Variants in CASZ1 observed in about 807,000 individuals in gnomAD.
CASZ1 encodes the protein zinc finger protein castor homolog 1.
A neutral mutation model predicts 135.2 loss-of-function variants in CASZ1; 28 were observed. The ratio of observed to expected loss-of-function variants is 0.21; its 90% CI spans 0.15 to 0.28. The LOEUF (loss-of-function observed/expected upper bound fraction) is 0.28, where lower values mean the gene tolerates loss of function less well. Among genes scored for constraint, CASZ1 ranks in the 10% least tolerant of loss-of-function variants. CASZ1 has a pLI of 1.00. For missense variants in CASZ1, 2,161 were observed against 2,453.3 expected (o/e 0.88, Z 2.52); for synonymous variants, 1,068 against 1,073.4 (o/e 0.99, Z 0.10).
chr1:10,680,243 G>T (rs7545227), intron 4 of CASZ1, among the ~76,000 whole-genome samples: 1 of 149,854 alleles, frequency 6.7e-6, no homozygotes, highest in Non-Finnish European at 1.5e-5. Context: ...CGATGCTGCC[G>T]GAGGGCTCCG....
intron 2 of CASZ1, among the ~76,000 whole-genome samples, chr1:10,732,962 A>C (rs1639729445): frequency 6.6e-6 from 1 of 152,110 alleles, no homozygotes; most frequent in Non-Finnish European, 1.5e-5. Context: ...GGGGGTAACC[A>C]GGCTGGAAAT....
intron 1 of CASZ1, among the ~76,000 whole-genome samples, chr1:10,773,624 G>T (rs1159968062): frequency 6.6e-6 from 1 of 152,096 alleles, no homozygotes; most frequent in Non-Finnish European, 1.5e-5. Context: ...TAGCTTCTCA[G>T]CATACTTGGC....
intron 3 of CASZ1, among the ~76,000 whole-genome samples, chr1:10,702,224 C>T (rs572658959): frequency 6.6e-6 from 1 of 152,174 alleles, no homozygotes; most frequent in Non-Finnish European, 1.5e-5. Flanking sequence ...CTTCATCACC[C>T]TCTTGCCTTG....
In CASZ1 at chr1:10,647,452, G is replaced by A. The variant is rs1642396454; in HGVS notation, c.3497+349C>T. 2 of 1,194,796 alleles carry A rather than the reference G, an allele frequency of 1.7e-6. No individual in the cohort carries two copies. The highest frequency in any genetic ancestry group is 2.1e-6 in the Non-Finnish European group (2 of 953,254). 74.0% of individuals were successfully genotyped at this position (1,194,796 alleles called of 1,614,324 possible). A position where few individuals can be genotyped will look rare whatever the true frequency, so the allele number is the denominator to read the frequency against. On this transcript the variant is annotated intron_variant, in intron 16 of 20. Coordinates refer to ENST00000377022, the MANE Select transcript of CASZ1 (RefSeq NM_001079843.3). This position sits in a 1 kb window ranked among gnomAD's most constrained non-coding sequence, Gnocchi z 4.9. ...GAGCCACAGAGGAGGCCAATACGGA[G>A]GCTCGGAGGGAGACGCAGCCCTCCT... is the stretch of plus-strand genomic sequence containing the variant.
chr1:10,747,817 C>CT lies in CASZ1; in HGVS notation c.-77+12883dup, dbSNP rs34001765. 8.6e-3 allele frequency among the ~76,000 whole-genome samples: 1,151 copies of CT among 134,178 alleles called. 12 individuals are homozygous for CT. The highest frequency in any genetic ancestry group is 0.022 in the African/African-American group (775 of 34,900). The allele number at this position is 134,178 out of a possible 152,430, so 88.0% of individuals were successfully genotyped here. A position where few individuals can be genotyped will look rare whatever the true frequency, so the allele number is the denominator to read the frequency against. On this transcript the variant is annotated intron_variant, in intron 2 of 20. Coordinates refer to ENST00000377022, the MANE Select transcript of CASZ1 (RefSeq NM_001079843.3). The surrounding 1 kb of genome is among the most constrained non-coding windows in gnomAD (Gnocchi z 4.3). The stretch of plus-strand genomic sequence containing the variant: ...CAGTACACTGTGCTCACCTGCCTGA[C>CT]TTTTTTTTTTTTTTTTTGAGATGGA...
At chr1:10,785,964 G>A (rs1219000536) in intron 1 of CASZ1, among the ~76,000 whole-genome samples, 1 of 152,194 alleles carries the variant, frequency 6.6e-6, no homozygotes, top group Non-Finnish European at 1.5e-5. Flanking sequence ...CAAAGGCTTC[G>A]AGGAATGAAT....
chr1:10,653,557 G>C lies in CASZ1; in HGVS notation c.2500C>G (p.Pro834Ala). Reference sequence around the variant, plus strand: ...GAGGCGACCAGCGTGGGTGTGTCAGGGGTGGCTGAGGCTGCTGACCCAGAC... The same window carrying C: ...GAGGCGACCAGCGTGGGTGTGTCAGCGGTGGCTGAGGCTGCTGACCCAGAC... ...VSSGSAASAT[P>A]DTPTLVASGA... The change falls in exon 11 of 21, where the codon CCT (proline) becomes GCT (alanine). Residue 834 changes from proline (P) to alanine (A), a missense_variant. By Grantham distance (27) the Pro-to-Ala change is conservative (BLOSUM62 -1). Around this residue, in one of 7 missense-constraint regions of CASZ1, gnomAD observed 406 missense variants for 387.6 expected, o/e 1.05. Coordinates refer to ENST00000377022, the MANE Select transcript of CASZ1 (RefSeq NM_001079843.3). 1 of 1,582,668 alleles carries C rather than the reference G, an allele frequency of 6.3e-7. No individual in the cohort carries two copies. The highest frequency in any genetic ancestry group is 8.6e-7 in the Non-Finnish European group (1 of 1,162,254).
intron 4 of CASZ1, among the ~76,000 whole-genome samples, chr1:10,687,599 T>G (rs916039974): frequency 6.6e-6 from 1 of 152,142 alleles, no homozygotes; most frequent in Non-Finnish European, 1.5e-5. Context: ...GCTGGAGGGA[T>G]CCCGGAAGCG....
At position 10,712,103 on chromosome 1, in the gene CASZ1, C is replaced by T. The variant is rs911737999; in HGVS notation, c.-76-6559G>A. On this transcript the variant is annotated intron_variant, in intron 2 of 20. Coordinates refer to ENST00000377022, the MANE Select transcript of CASZ1 (RefSeq NM_001079843.3). ...GTTCATGCCTGTAATCCCAGCACTT[C>T]GGGAGACCAAGGCAGGCAGATCACT... 4.6e-5 allele frequency among the ~76,000 whole-genome samples: 7 copies of T among 152,256 alleles called. No individual in the cohort carries two copies. The South Asian group carries it at 1.2e-3, about 27-fold the overall frequency.
At chr1:10,705,764 A>G (rs570816549) in intron 2 of CASZ1, among the ~76,000 whole-genome samples, 1 of 152,366 alleles carries the variant, frequency 6.6e-6, no homozygotes, top group South Asian at 2.1e-4. Flanking sequence ...CAAAAACGTC[A>G]GAAAGTGGTA....
chr1:10,743,507 T>C (rs1016261882), intron 2 of CASZ1, among the ~76,000 whole-genome samples: 2 of 150,398 alleles, frequency 1.3e-5, no homozygotes, highest in Non-Finnish European at 3.0e-5. Context: ...CTCAGGGGGA[T>C]GGGCTGGGGG....
At chr1:10,722,204 G>C (rs1639509671) in intron 2 of CASZ1, among the ~76,000 whole-genome samples, 1 of 152,216 alleles carries the variant, frequency 6.6e-6, no homozygotes, top group Non-Finnish European at 1.5e-5. Context: ...GGACCATGAG[G>C]CTTCCTTTAC....
intron 4 of CASZ1, among the ~76,000 whole-genome samples, chr1:10,675,879 G>A (rs1187298463): frequency 6.9e-6 from 1 of 144,874 alleles, no homozygotes; most frequent in Non-Finnish European, 1.5e-5. Flanking sequence ...TTTCCCCAAG[G>A]TTTGCAGGGA....
intron 2 of CASZ1, among the ~76,000 whole-genome samples, chr1:10,751,359 G>C (rs564802392): frequency 1.4e-4 from 22 of 152,242 alleles, no homozygotes; most frequent in Admixed American, 3.9e-4. Context: ...ACAGAGGGCA[G>C]AGAAGCCGAC....
At position 10,679,182 on chromosome 1, in the gene CASZ1, G is replaced by C. The variant is rs945587676; in HGVS notation, c.17-13611C>G. On this transcript the variant is annotated intron_variant, in intron 4 of 20. Transcript: ENST00000377022. The surrounding 1 kb of genome is among the most constrained non-coding windows in gnomAD (Gnocchi z 4.7). ...GGGCTGGCACAGAGCTCTCCGCCAG[G>C]GCCTGCTGCTTTTGATGAAAGCATA... Among the ~76,000 whole-genome samples, 10 of 152,208 alleles carry C rather than the reference G, an allele frequency of 6.6e-5. No individual in the cohort carries two copies. The highest frequency in any genetic ancestry group is 1.0e-4 in the Non-Finnish European group (7 of 68,032).
intron 4 of CASZ1, among the ~76,000 whole-genome samples, chr1:10,668,853 G>A (rs1643317227): frequency 6.6e-6 from 1 of 152,264 alleles, no homozygotes; most frequent in Non-Finnish European, 1.5e-5. Context: ...AGCCCTGGGA[G>A]GGCCACCAGG....
At chr1:10,748,811 C>T (rs1640095444) in intron 2 of CASZ1, among the ~76,000 whole-genome samples, 2 of 152,244 alleles carry the variant, frequency 1.3e-5, no homozygotes, top group Admixed American at 1.3e-4. Flanking sequence ...CCCACCATGC[C>T]CTGCCATGAT....
chr1:10,775,673 T>C (rs1640649627), intron 1 of CASZ1, among the ~76,000 whole-genome samples: 1 of 152,072 alleles, frequency 6.6e-6, no homozygotes, highest in Non-Finnish European at 1.5e-5. Context: ...TTGGTCTACC[T>C]GCCCTCTCTA....
rs1183418529 is a variant in CASZ1, at chr1:10,767,945, C to G, written c.-233-7088G>C. ...GGAGGGTCACCCACCATTGCAAGGT[C>G]TTCCTGGAGCAGACCCCAGACCTGG... is the stretch of plus-strand genomic sequence containing the variant. On this transcript the variant is annotated intron_variant, in intron 1 of 20. Coordinates refer to ENST00000377022, the MANE Select transcript of CASZ1 (RefSeq NM_001079843.3). The surrounding 1 kb of genome is among the most constrained non-coding windows in gnomAD (Gnocchi z 4.2). Among the ~76,000 whole-genome samples the G allele has an allele frequency of 1.3e-5, 2 of 152,222 alleles. No individual in the cohort carries two copies. The highest frequency in any genetic ancestry group is 2.9e-5 in the Non-Finnish European group (2 of 68,032).
Sources: gnomAD v4.1 joint callset for allele counts (sites outside exome capture counted in the v4.1 genomes callset) on GRCh38, gnomAD v4.1.1 for gene constraint, gnomAD v4.1.1 regional missense constraint, Gnocchi (gnomAD v3.1) non-coding constraint, MANE v1.5 for transcripts, NCBI Gene and HGNC (gene_info 2026-07-23, HGNC 2026-07-21) for gene names.